The following CUBN variants were observed in gnomAD, a reference collection of about 807,000 sequenced individuals.
CUBN encodes cubilin, also known as 460 kDa receptor.
A neutral mutation model predicts 405.3 loss-of-function variants in CUBN; 282 were observed. The observed-to-expected ratio is 0.70, with a 90% confidence interval of 0.63 to 0.77. The LOEUF (loss-of-function observed/expected upper bound fraction) is 0.77. Ranked by LOEUF, CUBN falls within the 30% of genes least tolerant of loss-of-function variation. The probability of loss-of-function intolerance (pLI) is 0.00; values close to 1 mark genes in which losing one functional copy is unlikely to be tolerated. For missense variants in CUBN, 4,514 were observed against 4,475.2 expected (o/e 1.01, Z -0.25); for synonymous variants, 1,684 against 1,617.0 (o/e 1.04, Z -0.99).
chr10:16,932,172 G>A (rs906734182), intron 40 of CUBN, among the ~76,000 whole-genome samples: 2 of 152,106 alleles, frequency 1.3e-5, no homozygotes, highest in African/African-American at 2.4e-5. Context: ...CTCTACAGAA[G>A]GGACATAAAG....
intron 66 of CUBN, among the ~76,000 whole-genome samples, chr10:16,827,100 G>A (rs916641011): frequency 2.6e-5 from 4 of 152,112 alleles, no homozygotes; most frequent in African/African-American, 9.7e-5. Flanking sequence ...ACCAAGTAAT[G>A]TAACTATATG....
intron 55 of CUBN, among the ~76,000 whole-genome samples, chr10:16,889,111 T>C (rs1193075914): frequency 6.6e-6 from 1 of 152,222 alleles, no homozygotes; most frequent in Non-Finnish European, 1.5e-5. Context: ...GAAATATCTT[T>C]TCACCACTAA....
intron 60 of CUBN, among the ~76,000 whole-genome samples, chr10:16,844,035 C>T (rs189999944): frequency 1.6e-3 from 249 of 151,994 alleles, no homozygotes; most frequent in African/African-American, 5.5e-3. Flanking sequence ...TTTGGGAGGC[C>T]GAGGCAGGCG....
intron 54 of CUBN, among the ~76,000 whole-genome samples, chr10:16,898,500 A>T (rs1231891703): frequency 6.6e-6 from 1 of 152,136 alleles, no homozygotes; most frequent in Non-Finnish European, 1.5e-5. Context: ...GAAGATGCAA[A>T]ACAGTACAGA....
chr10:16,892,003 A>T lies in CUBN; in HGVS notation c.8599-1476T>A, dbSNP rs538997087. On this transcript the variant is annotated intron_variant, in intron 54 of 66. Transcript: ENST00000377833. ...CAACATTTTCTTCACATGGAATGAT[A>T]CCAAATTACTCATTCCAAACACATC... is the stretch of plus-strand genomic sequence containing the variant. 3.9e-5 allele frequency among the ~76,000 whole-genome samples: 6 copies of T among 152,326 alleles called. No individual in the cohort carries two copies. In the South Asian group the frequency reaches 1.2e-3, roughly 32 times the overall value.
chr10:16,949,464 T>TGTG (rs1554798711), intron 34 of CUBN, among the ~76,000 whole-genome samples: 3,147 of 71,636 alleles, frequency 0.044, 123 homozygotes, highest in African/African-American at 0.081. Context: ...TGTGTGTGTG[T>TGTG]AGTGTGTGTG....
intron 17 of CUBN, among the ~76,000 whole-genome samples, chr10:17,076,632 T>C (rs957380650): frequency 6.6e-6 from 1 of 152,212 alleles, no homozygotes; most frequent in Non-Finnish European, 1.5e-5. Flanking sequence ...ATACGGAGAA[T>C]TAATACATAA....
chr10:17,037,061 G>C (rs1834919483), intron 27 of CUBN, among the ~76,000 whole-genome samples: 1 of 152,084 alleles, frequency 6.6e-6, no homozygotes, highest in Non-Finnish European at 1.5e-5. Flanking sequence ...ATAATACAGG[G>C]TTGCTGTGAG....
intron 5 of CUBN, 32 bp downstream of exon 5, chr10:17,123,556 C>T (rs1837094893): frequency 6.8e-7 from 1 of 1,470,366 alleles, no homozygotes; most frequent in South Asian, 1.1e-5. Flanking sequence ...GCTGACCTGC[C>T]ATCATTCTTA....
intron 58 of CUBN, 41 bp from the exon 59 acceptor site, chr10:16,869,894 A>G: frequency 2.1e-6 from 3 of 1,421,086 alleles, no homozygotes; most frequent in Non-Finnish European, 3.0e-6. Flanking sequence ...TTCCATTTGG[A>G]CTTCTATTAA....
intron 16 of CUBN, 112 bp downstream of exon 16, chr10:17,085,485 C>A: frequency 2.8e-6 from 3 of 1,085,026 alleles, no homozygotes; most frequent in Non-Finnish European, 4.2e-6. Flanking sequence ...AAGAAATGTT[C>A]TTGGTCTAAG....
In CUBN at chr10:16,916,088, T is replaced by C. The variant is rs150012118; in HGVS notation, c.7001-58A>G. 1,048 of 1,552,050 alleles carry C rather than the reference T, an allele frequency of 6.8e-4. 1 individual carries two copies. The highest frequency in any genetic ancestry group is 4.0e-3 in the African/African-American group (290 of 72,662). On this transcript the variant is annotated intron_variant, in intron 45 of 66. Transcript: ENST00000377833. ...AAAGCAAGCAAGCAAGAAAGATTGA[T>C]TCTATTACAAATTTTGTTTTCTTCA...
Position 16,940,047 on chromosome 10 carries a change from C to G in CUBN, c.5533G>C (p.Ala1845Pro). The G allele has an allele frequency of 6.2e-7, 1 of 1,613,770 alleles. No individual in the cohort carries two copies. The highest frequency in any genetic ancestry group is 8.5e-7 in the Non-Finnish European group (1 of 1,179,676). Residue 1845 changes from alanine (A) to proline (P), a missense_variant, in exon 37 of 67, where the codon GCC becomes CCC. Physicochemically the swap from Ala to Pro is conservative, Grantham distance 27. This residue lies in a region of CUBN where 1,613 missense variants were observed against 1,542.8 expected (regional missense o/e 1.05). Transcript: ENST00000377833. ...AACAACTTACTCTTCATAAATGTGG[C>G]CTGGAAGCCCGTGCCGCTGCCAGAA... ...DGSGSGTGFQATFMKIFGNDN... is the reference protein window; with the variant it reads ...DGSGSGTGFQPTFMKIFGNDN...
At chr10:16,967,715 C>T in intron 31 of CUBN, among the ~76,000 whole-genome samples, 1 of 144,886 alleles carries the variant, frequency 6.9e-6, no homozygotes. Context: ...GAGAAAGAGA[C>T]AAAAAGGGAG....
In CUBN at chr10:16,851,293, T is replaced by G. The variant is rs376334248; in HGVS notation, c.9605A>C (p.Asn3202Thr). 4.3e-6 allele frequency: 7 copies of G among 1,614,052 alleles called. No homozygotes were observed. The African/African-American group carries it at 9.3e-5, about 22-fold the overall frequency. Residue 3202 changes from asparagine to threonine, a missense_variant, in exon 60 of 67, where the codon AAT becomes ACT. By Grantham distance (65) the Asn-to-Thr change is moderately conservative. This residue lies in a region of CUBN where 1,186 missense variants were observed against 1,186.9 expected (regional missense o/e 1.00). Coordinates refer to ENST00000377833, the MANE Select transcript of CUBN (RefSeq NM_001081.4). ...PVNKVIHLTF[N>T]TFALEAASTR... ...ACTTGCTGCCTCCAGAGCAAATGTA[T>G]TGAAGGTGAGGTGAATTACTTTGTT...
chr10:16,932,375 C>T (rs2131593444), intron 40 of CUBN, among the ~76,000 whole-genome samples: 1 of 152,230 alleles, frequency 6.6e-6, no homozygotes, highest in African/African-American at 2.4e-5. Flanking sequence ...AGGATGTGGC[C>T]TTTCTGCTGT....
At chr10:17,026,499 G>C (rs1044926574) in intron 27 of CUBN, among the ~76,000 whole-genome samples, 1 of 152,056 alleles carries the variant, frequency 6.6e-6, no homozygotes, top group Non-Finnish European at 1.5e-5. Flanking sequence ...CGGGTGTGGT[G>C]GCGTACGCCT....
At chr10:16,843,500 AATTCAGAATCAGATGAAACTCG>A (rs1839420324) in intron 60 of CUBN, among the ~76,000 whole-genome samples, 1 of 152,178 alleles carries the variant, frequency 6.6e-6, no homozygotes, top group Non-Finnish European at 1.5e-5. Flanking sequence ...GATTTTAGTT[AATTCAGAATCAGATGAAACTCG>A]AGTTTTCTAA....
Position 17,122,748 on chromosome 10 carries a change from C to T in CUBN, c.593+47G>A, listed in dbSNP as rs376853327. The stretch of plus-strand genomic sequence containing the variant: ...GCTCTTAACTATGGGATGTTTTAGG[C>T]CTTCAAAAATATACTGATATTTACC... On this transcript the variant is annotated intron_variant, in intron 6 of 66. Transcript: ENST00000377833. 88 of 1,043,988 alleles carry T rather than the reference C, an allele frequency of 8.4e-5. No homozygotes were observed. In the South Asian group the frequency reaches 1.1e-3, roughly 12 times the overall value. The allele number at this position is 1,043,988 out of a possible 1,614,324, so 64.7% of individuals were successfully genotyped here.
Sources: allele counts gnomAD v4.1 joint callset (sites outside exome capture counted in the v4.1 genomes callset), GRCh38; gene constraint gnomAD v4.1.1; regional missense constraint gnomAD v4.1.1; transcripts MANE v1.5; gene names NCBI Gene and HGNC (gene_info 2026-07-23, HGNC 2026-07-21).